The following CNTN4 variants were observed in gnomAD, a reference collection of about 807,000 sequenced individuals.
CNTN4 encodes the protein contactin-4.
A neutral mutation model predicts 122.5 loss-of-function variants in CNTN4; 77 were observed. The ratio of observed to expected loss-of-function variants is 0.63; its 90% CI spans 0.52 to 0.76. The LOEUF (loss-of-function observed/expected upper bound fraction) is 0.76. Ranked by LOEUF, CNTN4 falls within the 30% of genes least tolerant of loss-of-function variation. The pLI is 0.00. For missense variants in CNTN4, 1,256 were observed against 1,259.1 expected (o/e 1.00, Z 0.04); for synonymous variants, 512 against 447.0 (o/e 1.15, Z -1.83).
intron 6 of CNTN4, among the ~76,000 whole-genome samples, chr3:2,762,495 A>C (rs576841832): frequency 6.6e-6 from 1 of 152,296 alleles, no homozygotes; most frequent in East Asian, 1.9e-4. Flanking sequence ...TTAGTTTGCT[A>C]AGGATAATGG....
intron 4 of CNTN4, among the ~76,000 whole-genome samples, chr3:2,697,710 G>A (rs886945827): frequency 4.6e-5 from 7 of 152,162 alleles, no homozygotes; most frequent in Middle Eastern, 3.4e-3. Flanking sequence ...GATGCATAGA[G>A]AGAGAGAAAA....
intron 3 of CNTN4, among the ~76,000 whole-genome samples, chr3:2,490,402 A>G (rs1174885775): frequency 6.6e-6 from 1 of 152,214 alleles, no homozygotes; most frequent in Non-Finnish European, 1.5e-5. Flanking sequence ...GGGGGCACTA[A>G]TAATTGTCTT....
chr3:2,661,731 C>G (rs1438545106), intron 4 of CNTN4, among the ~76,000 whole-genome samples: 11 of 144,922 alleles, frequency 7.6e-5, no homozygotes, highest in African/African-American at 2.6e-4. Context: ...AGAATCGCTT[C>G]AACCCAGGAG....
At chr3:2,249,690 G>C (rs1279163851) in intron 2 of CNTN4, among the ~76,000 whole-genome samples, 3 of 151,878 alleles carry the variant, frequency 2.0e-5, no homozygotes, top group African/African-American at 4.8e-5. Context: ...GATTAAATGA[G>C]CTGGAAAGAA....
chr3:2,400,250 A>C (rs917393323), intron 3 of CNTN4, among the ~76,000 whole-genome samples: 1 of 151,226 alleles, frequency 6.6e-6, no homozygotes, highest in Non-Finnish European at 1.5e-5. Context: ...ACAAAACCAG[A>C]AGCTTGTTTC....
At chr3:2,740,470 C>A (rs1022509706) in intron 5 of CNTN4, among the ~76,000 whole-genome samples, 1 of 151,956 alleles carries the variant, frequency 6.6e-6, no homozygotes, top group African/African-American at 2.4e-5. Flanking sequence ...AAGAATATCA[C>A]GGGAATGGAA....
intron 6 of CNTN4, among the ~76,000 whole-genome samples, chr3:2,790,979 G>A (rs976717601): frequency 6.6e-6 from 1 of 151,782 alleles, no homozygotes; most frequent in Non-Finnish European, 1.5e-5. Flanking sequence ...TGTCTTCTCT[G>A]CTAGCCTGTA....
intron 2 of CNTN4, among the ~76,000 whole-genome samples, chr3:2,334,780 T>C (rs980522298): frequency 5.9e-5 from 9 of 152,188 alleles, no homozygotes; most frequent in African/African-American, 1.7e-4. Flanking sequence ...TAATGTTATA[T>C]GCTATGTCTG....
chr3:2,859,043 C>T (rs533181818), intron 7 of CNTN4, among the ~76,000 whole-genome samples: 2 of 152,304 alleles, frequency 1.3e-5, no homozygotes, highest in East Asian at 3.9e-4. Flanking sequence ...TATTCTTTGA[C>T]CAACATTCCT....
intron 4 of CNTN4, among the ~76,000 whole-genome samples, chr3:2,575,628 A>T (rs1445733161): frequency 1.3e-5 from 2 of 152,116 alleles, no homozygotes; most frequent in African/African-American, 4.8e-5. Flanking sequence ...CCCACCGTCT[A>T]ACCTTCTTTA....
At chr3:2,195,116 C>T (rs1266859757) in intron 2 of CNTN4, among the ~76,000 whole-genome samples, 1 of 152,182 alleles carries the variant, frequency 6.6e-6, no homozygotes, top group Non-Finnish European at 1.5e-5. Context: ...TCCTTATACT[C>T]TCTGCTTCTG....
At position 2,855,451 on chromosome 3, in the gene CNTN4, G is replaced by T. The variant is rs544234245; in HGVS notation, c.455-11301G>T. On this transcript the variant is annotated intron_variant, in intron 7 of 24. Coordinates refer to ENST00000418658, the MANE Select transcript of CNTN4 (RefSeq NM_175607.3). ...TACTTATTTCTAAAAATTGTCAGAG[G>T]CACCAAATGAGATAATGGATATAAA... 4.6e-5 allele frequency among the ~76,000 whole-genome samples: 7 copies of T among 152,184 alleles called. No homozygotes were observed. The East Asian group carries it at 1.3e-3, about 29-fold the overall frequency.
At chr3:3,010,331 A>G (rs1292913359) in intron 14 of CNTN4, among the ~76,000 whole-genome samples, 1 of 152,070 alleles carries the variant, frequency 6.6e-6, no homozygotes, top group Non-Finnish European at 1.5e-5. Flanking sequence ...AGAGTAAGTC[A>G]GACTGTTTCT....
intron 6 of CNTN4, among the ~76,000 whole-genome samples, chr3:2,790,468 A>G (rs2091974407): frequency 6.6e-6 from 1 of 152,224 alleles, no homozygotes; most frequent in Non-Finnish European, 1.5e-5. Flanking sequence ...GGAAAGGAGC[A>G]GAATCAGTCA....
chr3:2,811,407 CAAAA>C (rs143290005), intron 6 of CNTN4, among the ~76,000 whole-genome samples: 2 of 124,084 alleles, frequency 1.6e-5, no homozygotes, highest in African/African-American at 2.9e-5. Flanking sequence ...GACTCAGTGT[CAAAA>C]AAAAAAAAAA....
intron 3 of CNTN4, among the ~76,000 whole-genome samples, chr3:2,392,901 C>A (rs116214921): frequency 6.6e-6 from 1 of 152,104 alleles, no homozygotes; most frequent in African/African-American, 2.4e-5. Flanking sequence ...ACTAAAACTT[C>A]GTACGTTTAC....
chr3:2,862,719 T>C (rs932094579), intron 7 of CNTN4, among the ~76,000 whole-genome samples: 1 of 152,134 alleles, frequency 6.6e-6, no homozygotes, highest in African/African-American at 2.4e-5. Flanking sequence ...TCAAACTGAG[T>C]AGGATACACT....
chr3:2,820,961 CTTTT>C (rs67731967), intron 7 of CNTN4, among the ~76,000 whole-genome samples: 1 of 107,576 alleles, frequency 9.3e-6, no homozygotes. Context: ...TTTTCTCTTT[CTTTT>C]TTTTTTTTTT....
intron 3 of CNTN4, among the ~76,000 whole-genome samples, chr3:2,465,745 T>A (rs2075474655): frequency 6.6e-6 from 1 of 152,168 alleles, no homozygotes; most frequent in Non-Finnish European, 1.5e-5. Flanking sequence ...GGTGTTCAAC[T>A]TGAAACCTCT....
Sources: gnomAD v4.1 joint callset for allele counts (sites outside exome capture counted in the v4.1 genomes callset) on GRCh38, gnomAD v4.1.1 for gene constraint, MANE v1.5 for transcripts, NCBI Gene and HGNC (gene_info 2026-07-23, HGNC 2026-07-21) for gene names.